KIFAP3: variants seen among roughly 807,000 people sequenced by gnomAD.
The protein encoded by KIFAP3 is kinesin associated protein 3, also known as kinesin-associated protein 3.
Under a neutral mutation model 106.5 loss-of-function variants are expected in KIFAP3, and 68 were observed. That is an observed-to-expected ratio of 0.64 (90% CI 0.53 to 0.78). The LOEUF (loss-of-function observed/expected upper bound fraction) is 0.78. Among genes scored for constraint, KIFAP3 ranks in the 30% least tolerant of loss-of-function variants. The pLI is 0.00. For missense variants in KIFAP3, 780 were observed against 941.8 expected, an observed-to-expected ratio of 0.83 and a Z score of 2.25; for synonymous variants, 320 against 311.5, an observed-to-expected ratio of 1.03 and a Z score of -0.29.
At chr1:169,942,012 G>A (rs1017119989) in intron 19 of KIFAP3, among the ~76,000 whole-genome samples, 1 of 136,964 alleles carries the variant, frequency 7.3e-6, no homozygotes, top group African/African-American at 2.8e-5. Flanking sequence ...GGACCCATTT[G>A]ATAAGATGGT....
chr1:170,055,304 C>T lies in KIFAP3; in HGVS notation c.164+1G>A. ...AAAATGTGCACAAATAAAGAACTTA[C>T]ATTTTTTGACATTCTTTTCGTTCTC... On this transcript the variant is annotated splice_donor_variant, in intron 2 of 19. Transcript: ENST00000361580. LOFTEE classifies it high-confidence loss of function. 6.3e-7 allele frequency: 1 copy of T among 1,593,912 alleles called. No homozygotes were observed. The highest frequency in any genetic ancestry group is 8.5e-7 in the Non-Finnish European group (1 of 1,174,446).
intron 10 of KIFAP3, among the ~76,000 whole-genome samples, chr1:170,014,065 G>A (rs1162312052): frequency 6.6e-6 from 1 of 151,962 alleles, no homozygotes; most frequent in African/African-American, 2.4e-5. Flanking sequence ...GCCTCATACT[G>A]GACATACTAC....
intron 1 of KIFAP3, among the ~76,000 whole-genome samples, chr1:170,073,869 T>C (rs1049979901): frequency 1.3e-5 from 2 of 152,224 alleles, no homozygotes; most frequent in Admixed American, 1.3e-4. Context: ...AATTACTAAA[T>C]GTCCTACAAA....
chr1:170,065,380 G>A (rs372061328), intron 1 of KIFAP3, among the ~76,000 whole-genome samples: 13 of 151,964 alleles, frequency 8.6e-5, no homozygotes, highest in East Asian at 7.7e-4. Context: ...TTGGGAAGCC[G>A]AGGTGGGTGG....
chr1:169,959,068 G>A (rs989039804), intron 18 of KIFAP3, among the ~76,000 whole-genome samples: 4 of 152,166 alleles, frequency 2.6e-5, no homozygotes, highest in Non-Finnish European at 5.9e-5. Context: ...GAGCCTCTCA[G>A]TTTAACCTCT....
rs192392127 is a variant in KIFAP3 at position 169,986,069 on chromosome 1, G to A, written c.1285-1379C>T. The stretch of plus-strand genomic sequence containing the variant: ...AATTTATAATATAAAAACTTACTAT[G>A]TTTTATCTCAGGGCAATACCTTTTT... On this transcript the variant is annotated intron_variant, in intron 11 of 19. Coordinates refer to ENST00000361580, the MANE Select transcript of KIFAP3 (RefSeq NM_014970.4). Among the ~76,000 whole-genome samples, 929 of 149,328 alleles carry A rather than the reference G, an allele frequency of 6.2e-3. 12 individuals are homozygous for A. Among genetic ancestry groups the A allele is most frequent in the Non-Finnish European group, 0.012 (774 of 66,746 alleles).
chr1:169,968,105 G>T (rs189676031), intron 17 of KIFAP3, among the ~76,000 whole-genome samples: 153 of 151,926 alleles, frequency 1.0e-3, no homozygotes, highest in African/African-American at 3.3e-3. Context: ...TGTATTTAAA[G>T]AAAAACATGC....
At chr1:170,038,497 A>C in intron 4 of KIFAP3, 66 bp from the exon 5 acceptor site, 1 of 1,492,556 alleles carries the variant, frequency 6.7e-7, no homozygotes, top group East Asian at 2.3e-5. Context: ...AAGAAATGTT[A>C]TTTTGTGATC....
At chr1:169,998,888 C>T (rs1486855867) in intron 10 of KIFAP3, among the ~76,000 whole-genome samples, 4 of 152,114 alleles carry the variant, frequency 2.6e-5, no homozygotes, top group South Asian at 2.1e-4. Flanking sequence ...TATAACTTCA[C>T]GGCATCTAGC....
chr1:169,944,701 C>A (rs1664333646), intron 19 of KIFAP3, among the ~76,000 whole-genome samples: 1 of 152,130 alleles, frequency 6.6e-6, no homozygotes, highest in South Asian at 2.1e-4. Flanking sequence ...GTAGTAGCTC[C>A]TTTCTGCAGG....
intron 12 of KIFAP3, among the ~76,000 whole-genome samples, chr1:169,983,846 G>C (rs1472710639): frequency 1.3e-5 from 2 of 151,800 alleles, no homozygotes; most frequent in Non-Finnish European, 3.0e-5. Context: ...AATTACTATA[G>C]CACTGTTTGT....
At chr1:170,029,021 T>C (rs139414573) in intron 8 of KIFAP3, among the ~76,000 whole-genome samples, 16 of 151,972 alleles carry the variant, frequency 1.1e-4, no homozygotes, top group African/African-American at 3.9e-4. Context: ...AATATAGACA[T>C]AAATATATTA....
intron 1 of KIFAP3, among the ~76,000 whole-genome samples, chr1:170,073,098 A>G (rs1197633034): frequency 6.6e-6 from 1 of 152,248 alleles, no homozygotes; most frequent in African/African-American, 2.4e-5. Context: ...AGCTAATGGT[A>G]TAACAGCGGC....
At chr1:169,992,313 C>T in intron 10 of KIFAP3, 58 bp from the exon 11 acceptor site, 2 of 811,936 alleles carry the variant, frequency 2.5e-6, no homozygotes, top group East Asian at 6.2e-5. Context: ...ATATAGCACA[C>T]TCATGTTAAT....
intron 1 of KIFAP3, among the ~76,000 whole-genome samples, chr1:170,061,179 A>C (rs1671131721): frequency 6.6e-6 from 1 of 152,198 alleles, no homozygotes; most frequent in African/African-American, 2.4e-5. Flanking sequence ...AATTAAACTA[A>C]AGAGCTTCTG....
In KIFAP3 at chr1:169,936,440, T is replaced by C. The variant is rs1441553220; in HGVS notation, c.2274-14659A>G. 2.0e-5 allele frequency among the ~76,000 whole-genome samples: 3 copies of C among 151,996 alleles called. No individual in the cohort carries two copies. The East Asian group carries it at 5.8e-4, about 29-fold the overall frequency. ...AAAAAGCTGCTGTTTCGACTAATCC[T>C]TCCAAACTACTTATTGTTTTAAAGA... On this transcript the variant is annotated intron_variant, in intron 19 of 19. Coordinates refer to ENST00000361580, the MANE Select transcript of KIFAP3 (RefSeq NM_014970.4).
At chr1:169,962,211 A>C (rs887037192) in intron 17 of KIFAP3, among the ~76,000 whole-genome samples, 1 of 152,158 alleles carries the variant, frequency 6.6e-6, no homozygotes, top group Admixed American at 6.6e-5. Flanking sequence ...ATTTCTTTAA[A>C]TGCTTCTTGT....
chr1:169,960,001 A>C (rs1665234823), intron 18 of KIFAP3, among the ~76,000 whole-genome samples: 1 of 152,144 alleles, frequency 6.6e-6, no homozygotes, highest in Non-Finnish European at 1.5e-5. Context: ...TCCATGATTT[A>C]AGTATCTATA....
At chr1:169,983,120 T>C (rs1571604294) in intron 13 of KIFAP3, 150 bp downstream of exon 13, 2 of 612,666 alleles carry the variant, frequency 3.3e-6, no homozygotes, top group Non-Finnish European at 5.5e-6. Context: ...TAGGTTGAGA[T>C]TTCTAGGTGC....
Sources: allele counts gnomAD v4.1 joint callset (sites outside exome capture counted in the v4.1 genomes callset), GRCh38; gene constraint gnomAD v4.1.1; transcripts MANE v1.5; gene names NCBI Gene and HGNC (gene_info 2026-07-23, HGNC 2026-07-21).